The following ZNF536 variants were observed in gnomAD, a reference collection of about 807,000 sequenced individuals.
ZNF536 encodes zinc finger protein 536.
A neutral mutation model predicts 84.5 loss-of-function variants in ZNF536; 13 were observed. The ratio of observed to expected loss-of-function variants is 0.15; its 90% CI spans 0.10 to 0.24. ZNF536 has a LOEUF of 0.24. ZNF536 is among the 10% of genes least tolerant of loss of function. The pLI is 1.00. For synonymous variants in ZNF536, 811 were observed against 742.5 expected (o/e 1.09, Z -1.50); for missense variants, 1,536 against 1,747.5 (o/e 0.88, Z 2.16).
At chr19:30,480,307 C>T (rs372012727) in intron 2 of ZNF536, among the ~76,000 whole-genome samples, 1 of 152,182 alleles carries the variant, frequency 6.6e-6, no homozygotes, top group Non-Finnish European at 1.5e-5. Context: ...AGAACAATCC[C>T]TTCTCCTCTT....
At chr19:30,688,874 C>A (rs1008234548) in intron 1 of ZNF536, among the ~76,000 whole-genome samples, 5 of 152,184 alleles carry the variant, frequency 3.3e-5, no homozygotes, top group African/African-American at 1.2e-4. Flanking sequence ...CTCCTGGTAG[C>A]GCTCTGGGCT....
At chr19:30,671,058 T>C (rs1176398640) in intron 1 of ZNF536, among the ~76,000 whole-genome samples, 1 of 147,120 alleles carries the variant, frequency 6.8e-6, no homozygotes, top group Non-Finnish European at 1.5e-5. Context: ...GTTCACTCAA[T>C]GCACGCACGT....
chr19:30,694,281 C>T (rs1357469009), intron 1 of ZNF536, among the ~76,000 whole-genome samples: 4 of 152,302 alleles, frequency 2.6e-5, no homozygotes, highest in Non-Finnish European at 4.4e-5. Context: ...TCATTTTAAG[C>T]GACACAATGG....
intron 1 of ZNF536, among the ~76,000 whole-genome samples, chr19:30,680,175 C>T (rs2050909479): frequency 6.6e-6 from 1 of 152,126 alleles, no homozygotes. Context: ...GAGGCAGGGG[C>T]CCCATGCACA....
intron 2 of ZNF536, among the ~76,000 whole-genome samples, chr19:30,475,866 G>A (rs765026248): frequency 7.2e-5 from 11 of 152,150 alleles, no homozygotes; most frequent in Non-Finnish European, 2.9e-5. Context: ...ACATCTAAAG[G>A]TATGGGGAGG....
Position 30,548,758 on chromosome 19 carries a change from G to A in ZNF536, c.3139G>A (p.Glu1047Lys), listed in dbSNP as rs957814203. The A allele has an allele frequency of 3.1e-6, 5 of 1,613,904 alleles. No homozygotes were observed. Among genetic ancestry groups the A allele is most frequent in the Non-Finnish European group, 3.4e-6 (4 of 1,180,024 alleles). ...AGTCAACTGCAAAGACCAAGCCCGG[G>A]AGGCGAGTAAGATGGCCCTGCTGCC... is the stretch of plus-strand genomic sequence containing the variant. The part of the protein sequence containing the change: ...VTVNCKDQAR[E>K]ASKMALLPSL... The change falls in exon 4 of 5, where the codon GAG becomes AAG. Residue 1047 changes from glutamate (E) to lysine (K), a missense_variant. By Grantham distance (56) the Glu-to-Lys change is moderately conservative. Coordinates refer to ENST00000355537, the MANE Select transcript of ZNF536 (RefSeq NM_014717.3).
chr19:30,647,179 C>G (rs1177803452), intron 1 of ZNF536, among the ~76,000 whole-genome samples: 2 of 152,146 alleles, frequency 1.3e-5, no homozygotes, highest in Non-Finnish European at 2.9e-5. Flanking sequence ...TGAATCCATG[C>G]TGAATATCTT....
At chr19:30,429,762 C>T (rs1477166796) in intron 1 of ZNF536, among the ~76,000 whole-genome samples, 1 of 152,096 alleles carries the variant, frequency 6.6e-6, no homozygotes, top group Non-Finnish European at 1.5e-5. Context: ...GAAGGGCTTA[C>T]TGAATAAATG....
At chr19:30,706,720 G>T (rs565160915) in intron 1 of ZNF536, among the ~76,000 whole-genome samples, 9 of 152,174 alleles carry the variant, frequency 5.9e-5, no homozygotes, top group African/African-American at 2.2e-4. Flanking sequence ...CGAAAGACTT[G>T]TCATACGATA....
chr19:30,233,596 C>T (rs2023244274), intron 1 of ZNF536, among the ~76,000 whole-genome samples: 1 of 152,062 alleles, frequency 6.6e-6, no homozygotes, highest in South Asian at 2.1e-4. Flanking sequence ...AGTCCTCCCA[C>T]CTCAGCCTAC....
chr19:30,396,406 A>G (rs1217825920), intron 1 of ZNF536, among the ~76,000 whole-genome samples: 2 of 152,204 alleles, frequency 1.3e-5, no homozygotes, highest in African/African-American at 4.8e-5. Flanking sequence ...TTTGGGGTTT[A>G]CTTTTGCTTT....
chr19:30,637,267 C>T (rs1244703744), intron 1 of ZNF536, among the ~76,000 whole-genome samples: 2 of 152,226 alleles, frequency 1.3e-5, no homozygotes, highest in African/African-American at 2.4e-5. Flanking sequence ...TAAGAACAGT[C>T]TCTAGCCTTT....
chr19:30,332,363 C>G (rs1239448422), intron 2 of ZNF536, among the ~76,000 whole-genome samples: 6 of 152,160 alleles, frequency 3.9e-5, no homozygotes, highest in Non-Finnish European at 7.3e-5. Flanking sequence ...TTGTCTCCTT[C>G]TTGGAGAGGT....
chr19:30,412,814 G>A (rs914073907), intron 1 of ZNF536, among the ~76,000 whole-genome samples: 5 of 151,820 alleles, frequency 3.3e-5, no homozygotes, highest in African/African-American at 9.7e-5. Context: ...ATACAGAGAC[G>A]ATCTGTTTCT....
chr19:30,684,900 G>A (rs1350364266), intron 1 of ZNF536, among the ~76,000 whole-genome samples: 1 of 152,118 alleles, frequency 6.6e-6, no homozygotes, highest in African/African-American at 2.4e-5. Context: ...ATTTATGTCT[G>A]GGACACTCAA....
At chr19:30,363,177 G>C (rs147127257) in intron 3 of ZNF536, among the ~76,000 whole-genome samples, 1 of 152,286 alleles carries the variant, frequency 6.6e-6, no homozygotes, top group Non-Finnish European at 1.5e-5. Flanking sequence ...GGAACTCTAG[G>C]CTGACAAAAG....
At chr19:30,539,709 G>A (rs1185149509) in intron 3 of ZNF536, among the ~76,000 whole-genome samples, 2 of 152,140 alleles carry the variant, frequency 1.3e-5, no homozygotes, top group African/African-American at 4.8e-5. Context: ...GGTGCCTGGG[G>A]GTACTCTGGA....
At chr19:30,591,006 G>A (rs144310076) in intron 1 of ZNF536, among the ~76,000 whole-genome samples, 5 of 152,362 alleles carry the variant, frequency 3.3e-5, no homozygotes, top group South Asian at 2.1e-4. Flanking sequence ...GCCCAGATGT[G>A]TATGGTTGGG....
At chr19:30,425,308 G>C (rs76031065) in intron 1 of ZNF536, among the ~76,000 whole-genome samples, 2,927 of 152,124 alleles carry the variant, frequency 0.019, 59 homozygotes, top group East Asian at 0.076. Context: ...GAAGGGCAGA[G>C]GAGTAACCGA....
Sources: allele counts gnomAD v4.1 joint callset (sites outside exome capture counted in the v4.1 genomes callset), GRCh38; gene constraint gnomAD v4.1.1; transcripts MANE v1.5; gene names NCBI Gene and HGNC (gene_info 2026-07-23, HGNC 2026-07-21).